Variants in KSR2 observed in about 807,000 individuals in gnomAD.
KSR2 encodes the protein kinase suppressor of ras 2.
Under a neutral mutation model 107.8 loss-of-function variants are expected in KSR2, and 25 were observed. The ratio of observed to expected loss-of-function variants is 0.23; its 90% confidence interval spans 0.17 to 0.32. KSR2 has a LOEUF of 0.32. Ranked by LOEUF, KSR2 falls within the 10% of genes least tolerant of loss-of-function variation. The probability of loss-of-function intolerance (pLI) is 1.00; values close to 1 mark genes in which losing one functional copy is unlikely to be tolerated. For missense variants in KSR2, 887 were observed against 1,268.9 expected, an observed-to-expected ratio of 0.70 and a Z score of 4.57; for synonymous variants, 480 against 507.0, an observed-to-expected ratio of 0.95 and a Z score of 0.71.
intron 1 of KSR2, among the ~76,000 whole-genome samples, chr12:117,883,186 G>T (rs748342672): frequency 6.6e-6 from 1 of 152,178 alleles, no homozygotes; most frequent in Non-Finnish European, 1.5e-5. Flanking sequence ...TAAGGAAACT[G>T]GGATTGACTA....
intron 1 of KSR2, among the ~76,000 whole-genome samples, chr12:117,891,923 C>A (rs1252258381): frequency 6.6e-6 from 1 of 152,058 alleles, no homozygotes; most frequent in African/African-American, 2.4e-5. Flanking sequence ...TCACTTGAGC[C>A]CGGGAGGCTG....
At chr12:117,927,383 A>C (rs1299836233) in intron 1 of KSR2, among the ~76,000 whole-genome samples, 2 of 125,770 alleles carry the variant, frequency 1.6e-5, no homozygotes, top group African/African-American at 6.4e-5. Flanking sequence ...CTCAAAAAAT[A>C]ACAACAAAAA....
chr12:117,607,264 T>C (rs899797456), intron 5 of KSR2, among the ~76,000 whole-genome samples: 1 of 152,192 alleles, frequency 6.6e-6, no homozygotes, highest in African/African-American at 2.4e-5. Context: ...GAAATTCCCC[T>C]AATAAGAATT....
chr12:117,575,333 C>G (rs921973314), intron 7 of KSR2, among the ~76,000 whole-genome samples: 1 of 152,214 alleles, frequency 6.6e-6, no homozygotes, highest in South Asian at 2.1e-4. Flanking sequence ...GCCTCCCCAT[C>G]CTTGGTGTCA....
intron 4 of KSR2, among the ~76,000 whole-genome samples, chr12:117,679,241 C>A (rs777875293): frequency 3.3e-5 from 5 of 152,216 alleles, no homozygotes; most frequent in Non-Finnish European, 7.3e-5. Flanking sequence ...CCATGTGCAT[C>A]AGCACCATGC....
At chr12:117,468,005 A>G (rs999366129) in intron 19 of KSR2, among the ~76,000 whole-genome samples, 2 of 151,652 alleles carry the variant, frequency 1.3e-5, no homozygotes, top group South Asian at 2.1e-4. Flanking sequence ...GTAAGCTTTA[A>G]GTCCCTCTCT....
chr12:117,833,975 A>T (rs932982811), intron 3 of KSR2, among the ~76,000 whole-genome samples: 7 of 150,758 alleles, frequency 4.6e-5, no homozygotes, highest in African/African-American at 1.7e-4. Flanking sequence ...CAAAAAAAAA[A>T]ATTTTCATTA....
At chr12:117,697,945 A>G (rs930463639) in intron 4 of KSR2, among the ~76,000 whole-genome samples, 1 of 152,124 alleles carries the variant, frequency 6.6e-6, no homozygotes, top group African/African-American at 2.4e-5. Flanking sequence ...TGATGTCCCT[A>G]TAAAAAGGGG....
chr12:117,898,114 G>A (rs1894569316), intron 1 of KSR2, among the ~76,000 whole-genome samples: 1 of 152,104 alleles, frequency 6.6e-6, no homozygotes, highest in African/African-American at 2.4e-5. Flanking sequence ...CCATCTTGAG[G>A]GTTAGGCAAC....
intron 1 of KSR2, among the ~76,000 whole-genome samples, chr12:117,868,372 G>A (rs797004122): frequency 2.7e-5 from 4 of 150,884 alleles, no homozygotes; most frequent in South Asian, 2.1e-4. Context: ...GCAGTGAGCC[G>A]AGATCACGCC....
intron 3 of KSR2, among the ~76,000 whole-genome samples, chr12:117,821,717 C>G (rs1891569921): frequency 1.3e-5 from 2 of 152,152 alleles, no homozygotes; most frequent in African/African-American, 4.8e-5. Flanking sequence ...TGCCTGATAA[C>G]ATTTCATTTT....
intron 4 of KSR2, among the ~76,000 whole-genome samples, chr12:117,671,244 C>A (rs1481391224): frequency 6.6e-6 from 1 of 152,160 alleles, no homozygotes. Flanking sequence ...TGTTCTTCCT[C>A]CAGAAAGCAT....
At chr12:117,731,263 T>TCCGC (rs1887676457) in intron 4 of KSR2, among the ~76,000 whole-genome samples, 4 of 139,784 alleles carry the variant, frequency 2.9e-5, no homozygotes, top group Non-Finnish European at 6.1e-5. Context: ...GAGGAGCCCC[T>TCCGC]CCTCCCAGCA....
At chr12:117,856,444 C>A (rs888005579) in intron 2 of KSR2, among the ~76,000 whole-genome samples, 11 of 152,040 alleles carry the variant, frequency 7.2e-5, no homozygotes, top group Non-Finnish European at 1.5e-4. Context: ...ATTGTTATTA[C>A]TTAAGGGTTT....
At chr12:117,632,511 C>A (rs973555709) in intron 5 of KSR2, among the ~76,000 whole-genome samples, 4 of 152,078 alleles carry the variant, frequency 2.6e-5, no homozygotes, top group Admixed American at 6.6e-5. Flanking sequence ...CAGGCATGAG[C>A]CACCATGCCC....
intron 5 of KSR2, among the ~76,000 whole-genome samples, chr12:117,656,710 T>G (rs2136451347): frequency 1.3e-5 from 2 of 151,904 alleles, no homozygotes; most frequent in African/African-American, 4.8e-5. Context: ...ATAAAGCAGG[T>G]AGAAAAACAT....
chr12:117,574,957 C>CT (rs1452387170), intron 7 of KSR2, among the ~76,000 whole-genome samples: 1 of 151,262 alleles, frequency 6.6e-6, no homozygotes, highest in African/African-American at 2.4e-5. Context: ...TCGGGAAGGG[C>CT]TTTCAGAGGA....
intron 4 of KSR2, among the ~76,000 whole-genome samples, chr12:117,754,378 C>A (rs568500887): frequency 7.7e-4 from 117 of 152,294 alleles, no homozygotes; most frequent in African/African-American, 2.5e-3. Context: ...TGGCTCACAC[C>A]TGTAATCCCA....
At chr12:117,804,909 G>A (rs998930873) in intron 3 of KSR2, among the ~76,000 whole-genome samples, 2 of 152,110 alleles carry the variant, frequency 1.3e-5, no homozygotes, top group Non-Finnish European at 2.9e-5. Flanking sequence ...GATACGGGTG[G>A]GAATAGTCAG....
Sources: allele counts gnomAD v4.1 joint callset (sites outside exome capture counted in the v4.1 genomes callset), GRCh38; gene constraint gnomAD v4.1.1; transcripts MANE v1.5; gene names NCBI Gene and HGNC (gene_info 2026-07-23, HGNC 2026-07-21).